EIF2AK2: variants seen among roughly 807,000 people sequenced by gnomAD.
EIF2AK2 encodes the protein interferon-induced, double-stranded RNA-activated protein kinase.
A neutral mutation model predicts 70.5 loss-of-function variants in EIF2AK2; 40 were observed. That is an observed-to-expected ratio of 0.57 (90% CI 0.44 to 0.74). The LOEUF is 0.74. Among genes scored for constraint, EIF2AK2 ranks in the 30% least tolerant of loss-of-function variants. The pLI is 0.00. For missense variants in EIF2AK2, 555 were observed against 644.3 expected (o/e 0.86, Z 1.50); for synonymous variants, 198 against 220.9 (o/e 0.90, Z 0.92).
intron 1 of EIF2AK2, among the ~76,000 whole-genome samples, chr2:37,150,426 T>A (rs997828982): frequency 2.8e-5 from 4 of 142,576 alleles, no homozygotes; most frequent in South Asian, 2.4e-4. Flanking sequence ...TATTTTTAAA[T>A]TTTTTTTGCA....
rs1673820500 is a variant in EIF2AK2, at chr2:37,101,264, T to C, written c.*6009A>G. On this transcript the variant is annotated 3_prime_UTR_variant, in exon 17 of 17. Transcript: ENST00000233057. ...AACTCACTCTAAAATTTGATAAATA[T>C]TTATCGCATCTTTCCCATTCAGATT... is the stretch of plus-strand genomic sequence containing the variant. 6.6e-6 allele frequency: 1 copy of C among 152,224 alleles called. No individual in the cohort carries two copies. Among genetic ancestry groups the C allele is most frequent in the Admixed American group, 6.5e-5 (1 of 15,282 alleles). 9.4% of individuals were successfully genotyped at this position (152,224 alleles called of 1,614,324 possible).
intron 5 of EIF2AK2, 100 bp from the exon 6 acceptor site, chr2:37,139,857 A>G (rs1200116704): frequency 4.7e-5 from 57 of 1,211,608 alleles, no homozygotes; most frequent in Non-Finnish European, 3.1e-5. Context: ...ATCTTAAGAT[A>G]ACACCAATTT....
At chr2:37,138,126 A>AT in intron 8 of EIF2AK2, 144 bp downstream of exon 8, 1 of 546,884 alleles carries the variant, frequency 1.8e-6, no homozygotes, top group East Asian at 3.3e-5. Flanking sequence ...AAAAAAAAAA[A>AT]AGTCTACTGA....
intron 9 of EIF2AK2, 188 bp downstream of exon 9, chr2:37,136,795 T>A: frequency 2.1e-6 from 1 of 482,048 alleles, no homozygotes; most frequent in South Asian, 2.9e-5. Flanking sequence ...ATGTTTACAG[T>A]GTAGCATGTG....
intron 11 of EIF2AK2, among the ~76,000 whole-genome samples, chr2:37,125,973 T>C (rs2148683655): frequency 6.6e-6 from 1 of 152,374 alleles, no homozygotes; most frequent in South Asian, 2.1e-4. Flanking sequence ...TGATAGGTTC[T>C]ATCTGGTGCC....
intron 1 of EIF2AK2, among the ~76,000 whole-genome samples, chr2:37,154,340 A>T (rs1049830473): frequency 6.6e-6 from 1 of 151,980 alleles, no homozygotes; most frequent in Middle Eastern, 3.2e-3. Context: ...AAAAAAACAA[A>T]AACAAAACAA....
intron 10 of EIF2AK2, among the ~76,000 whole-genome samples, chr2:37,132,362 C>T (rs1197941359): frequency 2.0e-5 from 3 of 152,108 alleles, no homozygotes; most frequent in Non-Finnish European, 4.4e-5. Context: ...GAGGCTGAGG[C>T]GGGCGGATCA....
At chr2:37,149,393 GAC>G (rs1364168683) in intron 1 of EIF2AK2, 1 of 522,546 alleles carries the variant, frequency 1.9e-6, no homozygotes, top group African/African-American at 1.9e-5. Context: ...ATTGTCAAAT[GAC>G]AAAGATTTTA....
At position 37,100,467 on chromosome 2, in the gene EIF2AK2, A is replaced by G. The variant is rs1673800847; in HGVS notation, c.*6806T>C. ...CAAATTAACCCCATAAGAGCCACAC[A>G]GATTTGAGAAGCATTTTATTTGCCT... is the stretch of plus-strand genomic sequence containing the variant. On this transcript the variant is annotated 3_prime_UTR_variant, in exon 17 of 17. Transcript: ENST00000233057. The G allele has an allele frequency of 6.6e-6, 1 of 152,248 alleles. No individual in the cohort carries two copies. The highest frequency in any genetic ancestry group is 2.4e-5 in the African/African-American group (1 of 41,470). The allele number at this position is 152,248 out of a possible 1,614,324, so 9.4% of individuals were successfully genotyped here.
At chr2:37,156,626 A>T (rs1459238630) in intron 1 of EIF2AK2, among the ~76,000 whole-genome samples, 3 of 152,164 alleles carry the variant, frequency 2.0e-5, no homozygotes, top group African/African-American at 7.2e-5. Flanking sequence ...TGTTACTTGC[A>T]CTGATAAAAA....
rs907796533 is a variant in EIF2AK2, at chr2:37,114,619, A to T, written c.1377+112T>A. On this transcript the variant is annotated intron_variant, in intron 14 of 16. Coordinates refer to ENST00000233057, the MANE Select transcript of EIF2AK2 (RefSeq NM_001135651.3). ...AGGGGTAGAAAAGAATGGTAAGGAAAATTTTTAGTATATACTTCTGTACAG... is the reference window on the plus strand; with the variant it reads ...AGGGGTAGAAAAGAATGGTAAGGAATATTTTTAGTATATACTTCTGTACAG... 8.0e-6 allele frequency: 8 copies of T among 998,612 alleles called. No homozygotes were observed. In the African/African-American group the frequency reaches 1.4e-4, roughly 17 times the overall value. 61.9% of individuals were successfully genotyped at this position (998,612 alleles called of 1,614,324 possible).
chr2:37,135,344 G>A lies in EIF2AK2; in HGVS notation c.785+140C>T, dbSNP rs556168205. The A allele has an allele frequency of 2.7e-5, 18 of 667,740 alleles. No individual in the cohort carries two copies. The South Asian group carries it at 4.1e-4, about 15-fold the overall frequency. The allele number at this position is 667,740 out of a possible 1,614,324, so 41.4% of individuals were successfully genotyped here. On this transcript the variant is annotated intron_variant, in intron 10 of 16. Coordinates refer to ENST00000233057, the MANE Select transcript of EIF2AK2 (RefSeq NM_001135651.3). ...GGCCCCCTCTTAATGATAAGCCTAA[G>A]ACTATTGTTCTTACCCTGCGTAGTT...
rs752593408 is a variant in EIF2AK2, at chr2:37,138,604, C to T, written c.517-19G>A. The T allele has an allele frequency of 3.1e-6, 5 of 1,609,070 alleles. No homozygotes were observed. Among genetic ancestry groups the T allele is most frequent in the East Asian group, 2.2e-5 (1 of 44,814 alleles). On this transcript the variant is annotated intron_variant, in intron 6 of 16. Transcript: ENST00000233057. ...CAGATTTCTGAAAGAAAAAGTATCC[C>T]TTAGTAGGCTTAAATACAACTAATT...
At chr2:37,114,609 T>A in intron 14 of EIF2AK2, 122 bp downstream of exon 14, 4 of 831,370 alleles carry the variant, frequency 4.8e-6, no homozygotes, top group Non-Finnish European at 6.6e-6. Flanking sequence ...TAGAAAAGAA[T>A]GGTAAGGAAA....
At position 37,101,052 on chromosome 2, in the gene EIF2AK2, T is replaced by C. The variant is rs1372546772; in HGVS notation, c.*6221A>G. 1.3e-5 allele frequency: 2 copies of C among 152,244 alleles called. No individual in the cohort carries two copies. The highest frequency in any genetic ancestry group is 4.8e-5 in the African/African-American group (2 of 41,468). The allele number at this position is 152,244 out of a possible 1,614,324, so 9.4% of individuals were successfully genotyped here. A position where few individuals can be genotyped will look rare whatever the true frequency, so the allele number is the denominator to read the frequency against. On this transcript the variant is annotated 3_prime_UTR_variant, in exon 17 of 17. Transcript: ENST00000233057. ...ACCTTTCCTTAATCCCCACATCCAA[T>C]TAGTTGCCAACTCCTCTTGGTTCTG...
intron 13 of EIF2AK2, 36 bp from the exon 14 acceptor site, chr2:37,114,895 C>T: frequency 7.2e-7 from 1 of 1,380,522 alleles, no homozygotes; most frequent in Non-Finnish European, 9.8e-7. Context: ...CATGTACCAA[C>T]TTAACATACT....
intron 14 of EIF2AK2, 69 bp downstream of exon 14, chr2:37,114,662 G>A: frequency 7.3e-7 from 1 of 1,367,734 alleles, no homozygotes. Context: ...TATATAAGTA[G>A]TGTCTACTCT....
chr2:37,112,548 A>G (rs148088283), intron 14 of EIF2AK2, among the ~76,000 whole-genome samples: 1 of 152,376 alleles, frequency 6.6e-6, no homozygotes, highest in East Asian at 1.9e-4. Flanking sequence ...AAATGTGAAT[A>G]GCTGAGAGCA....
chr2:37,131,397 C>T (rs1384206451), intron 10 of EIF2AK2, among the ~76,000 whole-genome samples: 2 of 152,202 alleles, frequency 1.3e-5, no homozygotes, highest in African/African-American at 2.4e-5. Context: ...ATTTTGTCCA[C>T]AGCCTCTTTA....
Sources: gnomAD v4.1 joint callset for allele counts (sites outside exome capture counted in the v4.1 genomes callset) on GRCh38, gnomAD v4.1.1 for gene constraint, MANE v1.5 for transcripts, NCBI Gene and HGNC (gene_info 2026-07-23, HGNC 2026-07-21) for gene names.